The following MGAT4C variants were observed in gnomAD, a reference collection of about 807,000 sequenced individuals.
MGAT4C encodes alpha-1,3-mannosyl-glycoprotein 4-beta-N-acetylglucosaminyltransferase C.
A neutral mutation model predicts 40.1 loss-of-function variants in MGAT4C; 19 were observed. The ratio of observed to expected loss-of-function variants is 0.47; its 90% CI spans 0.33 to 0.70. The LOEUF (loss-of-function observed/expected upper bound fraction) is 0.70, where lower values mean the gene tolerates loss of function less well. MGAT4C is among the 30% of genes least tolerant of loss of function. MGAT4C has a pLI of 0.02. For missense variants in MGAT4C, 491 were observed against 563.2 expected (o/e 0.87, Z 1.30); for synonymous variants, 181 against 187.1 (o/e 0.97, Z 0.27).
chr12:86,733,432 C>T (rs1046536237), intron 1 of MGAT4C, among the ~76,000 whole-genome samples: 2 of 149,028 alleles, frequency 1.3e-5, no homozygotes, highest in Non-Finnish European at 3.0e-5. Context: ...GCAAAACAAA[C>T]AAACAAACAA....
At chr12:86,566,605 TATTG>T (rs1230334430) in intron 2 of MGAT4C, among the ~76,000 whole-genome samples, 2 of 140,882 alleles carry the variant, frequency 1.4e-5, no homozygotes, top group East Asian at 4.1e-4. Context: ...TTATATGTAT[TATTG>T]TATTATATAT....
intron 2 of MGAT4C, among the ~76,000 whole-genome samples, chr12:86,676,589 G>T (rs906309693): frequency 2.6e-5 from 4 of 152,116 alleles, no homozygotes; most frequent in African/African-American, 9.7e-5. Flanking sequence ...CAGTTTAGAA[G>T]TCACTGCAAT....
At chr12:86,142,709 CTTTT>C (rs113640050) in intron 1 of MGAT4C, among the ~76,000 whole-genome samples, 2 of 140,166 alleles carry the variant, frequency 1.4e-5, no homozygotes, top group Non-Finnish European at 3.1e-5. Flanking sequence ...GTGGTCCATT[CTTTT>C]TTTTTTTTGT....
At chr12:86,600,977 G>A (rs954079666) in intron 2 of MGAT4C, among the ~76,000 whole-genome samples, 1 of 152,250 alleles carries the variant, frequency 6.6e-6, no homozygotes. Context: ...AGGCGCTGTA[G>A]CGACCCAGCC....
chr12:86,074,971 G>A (rs957808892), intron 1 of MGAT4C, among the ~76,000 whole-genome samples: 1 of 151,944 alleles, frequency 6.6e-6, no homozygotes, highest in Non-Finnish European at 1.5e-5. Flanking sequence ...AAACCATATC[G>A]TTGTGCCCCT....
At chr12:86,547,851 A>G (rs1377171770) in intron 2 of MGAT4C, among the ~76,000 whole-genome samples, 2 of 152,144 alleles carry the variant, frequency 1.3e-5, no homozygotes, top group Non-Finnish European at 2.9e-5. Flanking sequence ...GGAAGTTTTC[A>G]GAAGACATGA....
At chr12:86,203,294 A>C (rs1450919233) in intron 1 of MGAT4C, among the ~76,000 whole-genome samples, 1 of 152,092 alleles carries the variant, frequency 6.6e-6, no homozygotes, top group Admixed American at 6.6e-5. Flanking sequence ...CTGGGTTCTT[A>C]CGTAAATTTC....
chr12:86,134,465 T>A (rs1390271354), intron 1 of MGAT4C, among the ~76,000 whole-genome samples: 1 of 152,112 alleles, frequency 6.6e-6, no homozygotes, highest in Non-Finnish European at 1.5e-5. Flanking sequence ...TTGTTGTAAG[T>A]AGGGTTTATA....
intron 1 of MGAT4C, among the ~76,000 whole-genome samples, chr12:86,771,732 G>T (rs1227859106): frequency 6.7e-6 from 1 of 150,250 alleles, no homozygotes; most frequent in Non-Finnish European, 1.5e-5. Flanking sequence ...GTATGTGTGT[G>T]TGTATGAATA....
chr12:86,510,095 T>G (rs996304939), intron 2 of MGAT4C, among the ~76,000 whole-genome samples: 3 of 152,166 alleles, frequency 2.0e-5, no homozygotes, highest in Non-Finnish European at 2.9e-5. Flanking sequence ...CTTCCAACAC[T>G]ATGTTGAATA....
chr12:86,484,540 T>A (rs1304674006), intron 2 of MGAT4C, among the ~76,000 whole-genome samples: 1 of 152,104 alleles, frequency 6.6e-6, no homozygotes, highest in Non-Finnish European at 1.5e-5. Context: ...CAGTGTCTGA[T>A]CTCGAGGGGC....
At chr12:86,732,752 T>A (rs1950930730) in intron 1 of MGAT4C, among the ~76,000 whole-genome samples, 1 of 151,476 alleles carries the variant, frequency 6.6e-6, no homozygotes, top group South Asian at 2.1e-4. Context: ...CATGGACCAG[T>A]ATTGATCTGT....
chr12:86,279,541 C>A (rs1953161189), intron 4 of MGAT4C, among the ~76,000 whole-genome samples: 1 of 151,902 alleles, frequency 6.6e-6, no homozygotes, highest in Non-Finnish European at 1.5e-5. Flanking sequence ...TGGGTCTCCT[C>A]TCTCTTTTTC....
chr12:86,367,385 A>G (rs1211575966), intron 3 of MGAT4C, among the ~76,000 whole-genome samples: 1 of 152,146 alleles, frequency 6.6e-6, no homozygotes, highest in African/African-American at 2.4e-5. Context: ...GTTGGGGAGT[A>G]TGCCAGCAGC....
intron 2 of MGAT4C, among the ~76,000 whole-genome samples, chr12:86,563,007 AG>A (rs1462933879): frequency 1.3e-5 from 2 of 152,040 alleles, no homozygotes; most frequent in African/African-American, 2.4e-5. Flanking sequence ...CAGTAGAGGG[AG>A]GGATCCAAAG....
At chr12:86,499,325 T>C (rs1049249484) in intron 2 of MGAT4C, among the ~76,000 whole-genome samples, 2 of 151,642 alleles carry the variant, frequency 1.3e-5, no homozygotes, top group Admixed American at 6.6e-5. Flanking sequence ...ATATACAATA[T>C]ATATACATAC....
intron 3 of MGAT4C, among the ~76,000 whole-genome samples, chr12:86,408,479 C>CTATATATATATATATATA (rs71076198): frequency 6.3e-5 from 4 of 63,344 alleles, no homozygotes; most frequent in African/African-American, 2.3e-4. Context: ...CTCTCTCTCT[C>CTATATATATATATATATA]TATATATATA....
At chr12:86,168,275 C>A (rs1886404972) in intron 1 of MGAT4C, among the ~76,000 whole-genome samples, 1 of 152,144 alleles carries the variant, frequency 6.6e-6, no homozygotes, top group Non-Finnish European at 1.5e-5. Flanking sequence ...AAACTCCCAA[C>A]TACAAAGTTA....
chr12:86,157,653 G>C (rs1885119212), intron 1 of MGAT4C, among the ~76,000 whole-genome samples: 1 of 152,104 alleles, frequency 6.6e-6, no homozygotes, highest in Admixed American at 6.6e-5. Flanking sequence ...AATTCCACAT[G>C]GTTTTGGAGG....
Sources: allele counts gnomAD v4.1 joint callset (sites outside exome capture counted in the v4.1 genomes callset), GRCh38; gene constraint gnomAD v4.1.1; transcripts MANE v1.5; gene names NCBI Gene and HGNC (gene_info 2026-07-23, HGNC 2026-07-21).